The following HTR1E variants were observed in gnomAD, a reference collection of about 807,000 sequenced individuals.
HTR1E encodes the protein 5-hydroxytryptamine receptor 1E.
Under a neutral mutation model 3.4 loss-of-function variants are expected in HTR1E, and 3 were observed. The observed-to-expected ratio is 0.89, with a 90% CI of 0.41 to 2.31. The LOEUF (loss-of-function observed/expected upper bound fraction) is 2.31. HTR1E is among the 30% of genes most tolerant of loss of function. The probability of loss-of-function intolerance (pLI) is 0.05; values close to 1 mark genes in which losing one functional copy is unlikely to be tolerated. For missense variants in HTR1E, 392 were observed against 467.0 expected (o/e 0.84, Z 1.48); for synonymous variants, 170 against 182.8 (o/e 0.93, Z 0.56).
chr6:86,974,668 A>G (rs966265169), intron 1 of HTR1E, among the ~76,000 whole-genome samples: 1 of 151,846 alleles, frequency 6.6e-6, no homozygotes, highest in African/African-American at 2.4e-5. Flanking sequence ...AGTCTTCTCA[A>G]CTTTGAAGTT....
At chr6:86,973,521 C>CA (rs1436839933) in intron 1 of HTR1E, among the ~76,000 whole-genome samples, 1 of 152,164 alleles carries the variant, frequency 6.6e-6, no homozygotes, top group Non-Finnish European at 1.5e-5. Flanking sequence ...ACTGTAACCA[C>CA]AAATGTCCTG....
chr6:87,007,384 T>A (rs1413929356), intron 1 of HTR1E, among the ~76,000 whole-genome samples: 1 of 152,094 alleles, frequency 6.6e-6, no homozygotes, highest in African/African-American at 2.4e-5. Context: ...AAAGTATAGT[T>A]AGATAGAAAA....
At chr6:86,942,308 C>A (rs1424846621) in intron 1 of HTR1E, among the ~76,000 whole-genome samples, 2 of 152,216 alleles carry the variant, frequency 1.3e-5, no homozygotes, top group South Asian at 2.1e-4. Flanking sequence ...GTAATTAATT[C>A]TTTCCTGTAA....
intron 1 of HTR1E, among the ~76,000 whole-genome samples, chr6:87,010,084 A>G (rs1207762304): frequency 8.0e-6 from 1 of 124,868 alleles, no homozygotes; most frequent in Non-Finnish European, 1.7e-5. Context: ...TCCCTCCCGG[A>G]CGGGGTGGCT....
chr6:86,972,296 A>C (rs1272535745), intron 1 of HTR1E, among the ~76,000 whole-genome samples: 1 of 152,132 alleles, frequency 6.6e-6, no homozygotes, highest in Non-Finnish European at 1.5e-5. Flanking sequence ...TTCATCCCTT[A>C]CATTCTTAGC....
Position 87,015,832 on chromosome 6 carries a change from A to G in HTR1E, c.498A>G (p.Leu166=). Residue 166 remains leucine (L), a synonymous_variant, in exon 2 of 2, where the codon CTA becomes CTG. Coordinates refer to ENST00000305344, the MANE Select transcript of HTR1E (RefSeq NM_000865.3). ...TGTTCTGGAGAAGCCACCGCCGCCT[A>G]AGCCCTCCCCCTAGTCAGTGCACCA... ...PPLFWRSHRR[L]SPPPSQCTIQ... is the part of the protein sequence containing the mutation. 1 of 1,613,762 alleles carries G rather than the reference A, an allele frequency of 6.2e-7. No individual in the cohort carries two copies. Among genetic ancestry groups the G allele is most frequent in the Non-Finnish European group, 8.5e-7 (1 of 1,179,816 alleles).
intron 1 of HTR1E, among the ~76,000 whole-genome samples, chr6:86,953,684 G>A (rs1441697100): frequency 6.6e-6 from 1 of 152,030 alleles, no homozygotes; most frequent in Non-Finnish European, 1.5e-5. Context: ...GGTCAGCCCA[G>A]ACTCAAGGAA....
At chr6:86,983,868 A>G (rs1767747997) in intron 1 of HTR1E, among the ~76,000 whole-genome samples, 1 of 152,168 alleles carries the variant, frequency 6.6e-6, no homozygotes, top group African/African-American at 2.4e-5. Flanking sequence ...GTTTTCAAAA[A>G]TAACCAATAT....
At chr6:86,988,846 G>A (rs934505270) in intron 1 of HTR1E, among the ~76,000 whole-genome samples, 1 of 152,088 alleles carries the variant, frequency 6.6e-6, no homozygotes, top group African/African-American at 2.4e-5. Flanking sequence ...CAAGAAAAGA[G>A]AAAGATGACT....
Position 87,016,123 on chromosome 6 carries a change from C to T in HTR1E, c.789C>T (p.Ile263=), listed in dbSNP as rs146302872. Residue 263 remains isoleucine, a synonymous_variant, in exon 2 of 2, where the codon ATC becomes ATT. Coordinates refer to ENST00000305344, the MANE Select transcript of HTR1E (RefSeq NM_000865.3). ...AGTTTGAAAAGTTCCATGCCTCCAT[C>T]AGGATCCCCCCCTTCGACAATGATC... The part of the protein sequence containing the change: ...TTEFEKFHAS[I]RIPPFDNDLD... The T allele has an allele frequency of 1.7e-4, 280 of 1,614,192 alleles. 1 individual carries two copies. The highest frequency in any genetic ancestry group is 2.1e-4 in the Non-Finnish European group (250 of 1,180,032).
chr6:87,000,724 C>A (rs565906516), intron 1 of HTR1E, among the ~76,000 whole-genome samples: 1 of 152,312 alleles, frequency 6.6e-6, no homozygotes, highest in African/African-American at 2.4e-5. Flanking sequence ...TCATCAACAC[C>A]AGACCTGTCC....
intron 1 of HTR1E, among the ~76,000 whole-genome samples, chr6:86,968,454 C>G (rs948756337): frequency 6.6e-6 from 1 of 152,138 alleles, no homozygotes; most frequent in Admixed American, 6.6e-5. Flanking sequence ...GCCTGTTTCC[C>G]CACACTGTCA....
At chr6:86,988,618 C>T (rs889352194) in intron 1 of HTR1E, among the ~76,000 whole-genome samples, 75 of 152,182 alleles carry the variant, frequency 4.9e-4, no homozygotes, top group African/African-American at 1.7e-3. Context: ...TATTCCAAAG[C>T]GGAGTATTAT....
intron 1 of HTR1E, among the ~76,000 whole-genome samples, chr6:86,990,376 T>C (rs1406885268): frequency 6.6e-6 from 1 of 152,208 alleles, no homozygotes. Context: ...GGAGACTCTG[T>C]ATTGACTAAA....
intron 1 of HTR1E, among the ~76,000 whole-genome samples, chr6:86,996,714 T>G (rs560216693): frequency 1.6e-4 from 24 of 152,016 alleles, no homozygotes; most frequent in Non-Finnish European, 3.1e-4. Context: ...ACAGTTTAAA[T>G]AGGCCTATAA....
chr6:87,002,471 C>T (rs1286451135), intron 1 of HTR1E, among the ~76,000 whole-genome samples: 5 of 152,172 alleles, frequency 3.3e-5, no homozygotes, highest in African/African-American at 4.8e-5. Flanking sequence ...CTTATTTGTC[C>T]GCACCCACAT....
At chr6:86,981,704 C>T (rs1767714206) in intron 1 of HTR1E, among the ~76,000 whole-genome samples, 1 of 152,204 alleles carries the variant, frequency 6.6e-6, no homozygotes, top group Non-Finnish European at 1.5e-5. Flanking sequence ...ATACCTACTG[C>T]ACACTGTGTA....
chr6:86,994,381 A>G lies in HTR1E; in HGVS notation c.-185-20769A>G, dbSNP rs73753638. 2.6e-3 allele frequency among the ~76,000 whole-genome samples: 397 copies of G among 152,300 alleles called. 1 individual carries two copies. Among genetic ancestry groups the G allele is most frequent in the African/African-American group, 9.0e-3 (375 of 41,572 alleles). ...CAAACAAAAAATCTTGCAGCTGTGA[A>G]AGAGAAATGACACCATACCTATCAG... is the stretch of plus-strand genomic sequence containing the variant. On this transcript the variant is annotated intron_variant, in intron 1 of 1. Coordinates refer to ENST00000305344, the MANE Select transcript of HTR1E (RefSeq NM_000865.3).
In HTR1E at chr6:87,004,755, A is replaced by G. The variant is rs115713781; in HGVS notation, c.-185-10395A>G. ...AAGTCCTAGCTAGAGCAATCAGACA[A>G]AAGAAAGAAAGAAAGGGCACTCAAA... On this transcript the variant is annotated intron_variant, in intron 1 of 1. Coordinates refer to ENST00000305344, the MANE Select transcript of HTR1E (RefSeq NM_000865.3). Among the ~76,000 whole-genome samples the G allele has an allele frequency of 1.3e-3, 192 of 152,152 alleles. 1 individual carries two copies. The highest frequency in any genetic ancestry group is 4.5e-3 in the African/African-American group (187 of 41,558).
Sources: allele counts gnomAD v4.1 joint callset (sites outside exome capture counted in the v4.1 genomes callset), GRCh38; gene constraint gnomAD v4.1.1; transcripts MANE v1.5; gene names NCBI Gene and HGNC (gene_info 2026-07-23, HGNC 2026-07-21).